The following KCND2 variants were observed in gnomAD, a reference collection of about 807,000 sequenced individuals.
KCND2 encodes the protein potassium voltage-gated channel subfamily D member 2, also known as A-type voltage-gated potassium channel KCND2.
Under a neutral mutation model 54.4 loss-of-function variants are expected in KCND2, and 16 were observed. The ratio of observed to expected loss-of-function variants is 0.29; its 90% CI spans 0.20 to 0.45. The LOEUF is 0.45. Ranked by LOEUF, KCND2 falls within the 20% of genes least tolerant of loss-of-function variation. KCND2 has a pLI of 1.00. For missense variants in KCND2, 486 were observed against 824.2 expected (o/e 0.59, Z 5.02); for synonymous variants, 317 against 310.7 (o/e 1.02, Z -0.21).
intron 1 of KCND2, among the ~76,000 whole-genome samples, chr7:120,361,187 C>T (rs1800587976): frequency 1.3e-5 from 2 of 151,882 alleles, no homozygotes; most frequent in Admixed American, 1.3e-4. Flanking sequence ...ACCATGTAAG[C>T]CAAGTGTGAA....
chr7:120,577,927 A>G (rs1053153398), intron 1 of KCND2, among the ~76,000 whole-genome samples: 2 of 152,084 alleles, frequency 1.3e-5, no homozygotes, highest in African/African-American at 4.8e-5. Flanking sequence ...TTGGCCAGGC[A>G]TGGCAGTTCA....
intron 1 of KCND2, among the ~76,000 whole-genome samples, chr7:120,691,404 G>A (rs1340781796): frequency 1.3e-5 from 2 of 152,152 alleles, no homozygotes; most frequent in Non-Finnish European, 2.9e-5. Context: ...GTAGGGAAGA[G>A]ATTGGACAGT....
chr7:120,730,649 G>T (rs1792795103), intron 1 of KCND2, among the ~76,000 whole-genome samples: 1 of 152,118 alleles, frequency 6.6e-6, no homozygotes, highest in South Asian at 2.1e-4. Context: ...CTTCAGCTAT[G>T]TTAAATTAGC....
intron 1 of KCND2, among the ~76,000 whole-genome samples, chr7:120,719,724 CAA>C (rs1044272897): frequency 6.6e-6 from 1 of 152,004 alleles, no homozygotes; most frequent in African/African-American, 2.4e-5. Context: ...GCTCCTGCAA[CAA>C]AAAAGACTCA....
In KCND2 at chr7:120,631,783, A is replaced by G. The variant is rs536508932; in HGVS notation, c.1116-101120A>G. On this transcript the variant is annotated intron_variant, in intron 1 of 5. Coordinates refer to ENST00000331113, the MANE Select transcript of KCND2 (RefSeq NM_012281.3). ...TAAGAGCATCAAGTACAAATAGTTC[A>G]TTGTTTTCAATTTAACGTAGAAATG... Among the ~76,000 whole-genome samples, 108 of 152,264 alleles carry G rather than the reference A, an allele frequency of 7.1e-4. 2 individuals are homozygous for G. The highest frequency in any genetic ancestry group is 2.4e-3 in the African/African-American group (101 of 41,576).
intron 1 of KCND2, among the ~76,000 whole-genome samples, chr7:120,545,763 G>T (rs1584821930): frequency 6.6e-6 from 1 of 151,758 alleles, no homozygotes; most frequent in South Asian, 2.1e-4. Context: ...ATTTGTGGGT[G>T]TTGAAGCAAT....
intron 1 of KCND2, among the ~76,000 whole-genome samples, chr7:120,676,128 G>A (rs769251206): frequency 3.3e-5 from 5 of 152,014 alleles, no homozygotes; most frequent in African/African-American, 4.8e-5. Flanking sequence ...GTGAGCCACC[G>A]TGCCCAACCT....
intron 1 of KCND2, among the ~76,000 whole-genome samples, chr7:120,699,165 C>T (rs1792369326): frequency 6.6e-6 from 1 of 151,788 alleles, no homozygotes; most frequent in African/African-American, 2.4e-5. Flanking sequence ...ACCTGTCGTC[C>T]CAGCTACTTG....
At chr7:120,699,161 C>T (rs1014392822) in intron 1 of KCND2, among the ~76,000 whole-genome samples, 2 of 151,714 alleles carry the variant, frequency 1.3e-5, no homozygotes, top group South Asian at 2.1e-4. Context: ...GGGTACCTGT[C>T]GTCCCAGCTA....
chr7:120,398,371 A>G (rs1234896412), intron 1 of KCND2, among the ~76,000 whole-genome samples: 2 of 151,958 alleles, frequency 1.3e-5, no homozygotes, highest in Non-Finnish European at 1.5e-5. Context: ...CTGAGCACCT[A>G]CTATTTTCCA....
At chr7:120,690,499 G>A (rs147841902) in intron 1 of KCND2, among the ~76,000 whole-genome samples, 66 of 152,286 alleles carry the variant, frequency 4.3e-4, no homozygotes, top group Middle Eastern at 3.4e-3. Context: ...GCTAGCAGTG[G>A]CACCAGAGCT....
chr7:120,443,661 C>T (rs547834293), intron 1 of KCND2, among the ~76,000 whole-genome samples: 81 of 151,840 alleles, frequency 5.3e-4, no homozygotes, highest in Non-Finnish European at 9.1e-4. Context: ...TCAAAGACTT[C>T]TCATTTCCTA....
intron 1 of KCND2, among the ~76,000 whole-genome samples, chr7:120,322,269 A>G (rs1799902460): frequency 6.6e-6 from 1 of 152,102 alleles, no homozygotes; most frequent in Admixed American, 6.6e-5. Flanking sequence ...TGGATTTAAT[A>G]GGCATATAAC....
At chr7:120,485,814 C>G (rs1802685021) in intron 1 of KCND2, among the ~76,000 whole-genome samples, 1 of 152,152 alleles carries the variant, frequency 6.6e-6, no homozygotes, top group African/African-American at 2.4e-5. Flanking sequence ...TTTTCTGTCT[C>G]TCTTCTCAAG....
intron 1 of KCND2, among the ~76,000 whole-genome samples, chr7:120,724,615 G>A (rs768327422): frequency 2.6e-5 from 4 of 152,148 alleles, no homozygotes; most frequent in Non-Finnish European, 5.9e-5. Context: ...TTTCCTGCAG[G>A]TGATGGAGAG....
rs1799141898 is a variant in KCND2, at chr7:120,274,507, G to C, written c.-126G>C. Reference sequence around the variant, plus strand: ...CCAGGAGCCCTATCTTGGAATAAGAGTTACACCTCTGGACCACGTTTCTCA... The same window carrying C: ...CCAGGAGCCCTATCTTGGAATAAGACTTACACCTCTGGACCACGTTTCTCA... On this transcript the variant is annotated 5_prime_UTR_variant, in exon 1 of 6. Coordinates refer to ENST00000331113, the MANE Select transcript of KCND2 (RefSeq NM_012281.3). 9.4e-7 allele frequency: 1 copy of C among 1,062,356 alleles called. No individual in the cohort carries two copies. Among genetic ancestry groups the C allele is most frequent in the Admixed American group, 1.8e-5 (1 of 56,986 alleles). The allele number at this position is 1,062,356 out of a possible 1,614,324, so 65.8% of individuals were successfully genotyped here. A position where few individuals can be genotyped will look rare whatever the true frequency, so the allele number is the denominator to read the frequency against.
intron 1 of KCND2, among the ~76,000 whole-genome samples, chr7:120,641,607 C>T (rs893365759): frequency 6.6e-6 from 1 of 152,134 alleles, no homozygotes; most frequent in Non-Finnish European, 1.5e-5. Context: ...GATAAAACTT[C>T]AAAGTGTCAC....
At chr7:120,728,591 C>T (rs928758487) in intron 1 of KCND2, among the ~76,000 whole-genome samples, 3 of 151,996 alleles carry the variant, frequency 2.0e-5, no homozygotes, top group African/African-American at 4.8e-5. Context: ...CACCCAGCCT[C>T]CTTCTTATGT....
intron 1 of KCND2, among the ~76,000 whole-genome samples, chr7:120,285,706 C>A (rs1351682438): frequency 6.6e-6 from 1 of 151,734 alleles, no homozygotes; most frequent in Non-Finnish European, 1.5e-5. Context: ...ACATGTTGAT[C>A]TGTTGTCTGC....
Sources: gnomAD v4.1 joint callset for allele counts (sites outside exome capture counted in the v4.1 genomes callset) on GRCh38, gnomAD v4.1.1 for gene constraint, MANE v1.5 for transcripts, NCBI Gene and HGNC (gene_info 2026-07-23, HGNC 2026-07-21) for gene names.